Variants in GALNT14 observed in about 807,000 individuals in gnomAD.
The protein encoded by GALNT14 is polypeptide N-acetylgalactosaminyltransferase 14.
In GALNT14, 60 loss-of-function variants were observed where a neutral mutation model predicts 77.5. The observed-to-expected ratio is 0.77, with a 90% confidence interval of 0.63 to 0.96. The LOEUF (loss-of-function observed/expected upper bound fraction) is 0.96, where lower values mean the gene tolerates loss of function less well. Ranked by LOEUF, GALNT14 falls within the 40% of genes least tolerant of loss-of-function variation. GALNT14 has a pLI of 0.00. For missense variants in GALNT14, 710 were observed against 731.0 expected, an observed-to-expected ratio of 0.97 and a Z score of 0.33; for synonymous variants, 280 against 281.7, an observed-to-expected ratio of 0.99 and a Z score of 0.06.
chr2:30,933,221 C>G (rs1303994895), intron 9 of GALNT14, among the ~76,000 whole-genome samples: 1 of 152,198 alleles, frequency 6.6e-6, no homozygotes, highest in African/African-American at 2.4e-5. Flanking sequence ...TACCCCCTAA[C>G]TGACCACAGC....
intron 1 of GALNT14, among the ~76,000 whole-genome samples, chr2:30,998,784 C>T (rs1670188770): frequency 6.6e-6 from 1 of 152,214 alleles, no homozygotes; most frequent in South Asian, 2.1e-4. Flanking sequence ...AGCTCCAGCC[C>T]CCATGTTCTT....
chr2:30,953,696 A>G (rs900128578), intron 6 of GALNT14, among the ~76,000 whole-genome samples: 4 of 152,178 alleles, frequency 2.6e-5, no homozygotes, highest in Non-Finnish European at 5.9e-5. Flanking sequence ...TTTGTGAAGC[A>G]GTGTGGCACC....
chr2:31,129,680 G>A (rs370525445), intron 1 of GALNT14: 5 of 984,988 alleles, frequency 5.1e-6, no homozygotes, highest in East Asian at 1.1e-4. Context: ...GCGAGAGATG[G>A]GCACATAAAT....
At chr2:31,063,966 C>T (rs755580438) in intron 1 of GALNT14, among the ~76,000 whole-genome samples, 2 of 152,210 alleles carry the variant, frequency 1.3e-5, no homozygotes, top group Non-Finnish European at 2.9e-5. Flanking sequence ...TTTGAGAAGG[C>T]AGCCCTACAG....
chr2:31,057,503 A>C (rs11684365), intron 1 of GALNT14, among the ~76,000 whole-genome samples: 1 of 149,324 alleles, frequency 6.7e-6, no homozygotes, highest in East Asian at 2.0e-4. Flanking sequence ...AGCCTGGGAG[A>C]CTCAACTTGG....
At chr2:30,931,515 C>T (rs939819614) in intron 10 of GALNT14, among the ~76,000 whole-genome samples, 2 of 152,056 alleles carry the variant, frequency 1.3e-5, no homozygotes, top group Non-Finnish European at 2.9e-5. Context: ...GTAAGAACCA[C>T]CCCCCAGACA....
At chr2:30,976,612 C>CAT (rs1553348453) in intron 2 of GALNT14, among the ~76,000 whole-genome samples, 253 of 148,400 alleles carry the variant, frequency 1.7e-3, no homozygotes, top group African/African-American at 6.1e-3. Context: ...TGTGCGTGTG[C>CAT]GTGTGTGTAT....
intron 1 of GALNT14, among the ~76,000 whole-genome samples, chr2:31,134,140 C>T (rs1679112826): frequency 6.6e-6 from 1 of 152,182 alleles, no homozygotes; most frequent in Non-Finnish European, 1.5e-5. Context: ...TGGCCCAGAA[C>T]CAGAACCTGC....
chr2:30,952,802 T>C (rs1395535156), intron 6 of GALNT14, among the ~76,000 whole-genome samples: 1 of 152,108 alleles, frequency 6.6e-6, no homozygotes, highest in Non-Finnish European at 1.5e-5. Flanking sequence ...ATTTTCATTC[T>C]ACCAGTCCAT....
intron 1 of GALNT14, among the ~76,000 whole-genome samples, chr2:31,079,389 C>T (rs1456461915): frequency 6.6e-6 from 1 of 152,124 alleles, no homozygotes; most frequent in Non-Finnish European, 1.5e-5. Flanking sequence ...GTGGCCAACC[C>T]GGAGATTCAC....
Position 30,924,823 on chromosome 2 carries a change from A to G in GALNT14, c.1152T>C (p.Asn384=), listed in dbSNP as rs754675146. The change falls in exon 12 of 15, where the codon AAT becomes AAC. Residue 384 remains asparagine, a splice_region_variant and synonymous_variant. Coordinates refer to ENST00000349752, the MANE Select transcript of GALNT14 (RefSeq NM_024572.4). ...TCCTCAGGTCCAATCTGCTCTCAAC[A>G]CTGGGGGCAACGGGGTTGTGGACAG... The part of the protein sequence containing the change: ...RPFALERPFG[N]VESRLDLRKN... The G allele has an allele frequency of 1.2e-6, 2 of 1,612,842 alleles. No individual in the cohort carries two copies. Among genetic ancestry groups the G allele is most frequent in the Admixed American group, 1.7e-5 (1 of 59,996 alleles).
At chr2:31,031,845 A>C (rs916681528) in intron 1 of GALNT14, among the ~76,000 whole-genome samples, 1 of 152,106 alleles carries the variant, frequency 6.6e-6, no homozygotes, top group African/African-American at 2.4e-5. Context: ...CCCTCCACAG[A>C]GGGGCAAGAG....
intron 1 of GALNT14, among the ~76,000 whole-genome samples, chr2:30,995,189 T>C (rs1260201441): frequency 2.6e-5 from 4 of 151,916 alleles, no homozygotes; most frequent in East Asian, 3.9e-4. Context: ...CATGTGCATA[T>C]GTATACAGCC....
the GALNT14 span, among the ~76,000 whole-genome samples, chr2:30,887,427 G>A: frequency 6.6e-6 from 1 of 152,068 alleles, no homozygotes; most frequent in African/African-American, 2.4e-5. Flanking sequence ...CCATCCTAGT[G>A]CATGGTATCT....
chr2:30,964,621 G>A (rs1261857800), intron 3 of GALNT14, among the ~76,000 whole-genome samples: 2 of 152,210 alleles, frequency 1.3e-5, no homozygotes, highest in Admixed American at 1.3e-4. Flanking sequence ...TGGGCACGTG[G>A]CTGGAGGAAG....
intron 1 of GALNT14, among the ~76,000 whole-genome samples, chr2:31,025,898 C>CT (rs1672024922): frequency 6.6e-6 from 1 of 152,166 alleles, no homozygotes; most frequent in Non-Finnish European, 1.5e-5. Flanking sequence ...CAATTTCTTT[C>CT]TTTTTCAGGA....
chr2:30,918,214 T>C (rs986483155), intron 13 of GALNT14, among the ~76,000 whole-genome samples: 1 of 152,240 alleles, frequency 6.6e-6, no homozygotes, highest in African/African-American at 2.4e-5. Context: ...TACACTTATA[T>C]GTGTGATTAA....
the GALNT14 span, among the ~76,000 whole-genome samples, chr2:30,896,216 G>A: frequency 1.3e-5 from 2 of 152,226 alleles, no homozygotes; most frequent in African/African-American, 4.8e-5. Flanking sequence ...ATGACTCTGA[G>A]TCAGTGGGGT....
chr2:30,910,401 T>G (rs1235939413), downstream of GALNT14: 1 of 152,498 alleles, frequency 6.6e-6, no homozygotes, highest in Non-Finnish European at 1.5e-5. Flanking sequence ...CCCCACCCCA[T>G]GCCCCTATTC....
Sources: gnomAD v4.1 joint callset for allele counts (sites outside exome capture counted in the v4.1 genomes callset) on GRCh38, gnomAD v4.1.1 for gene constraint, MANE v1.5 for transcripts, NCBI Gene and HGNC (gene_info 2026-07-23, HGNC 2026-07-21) for gene names.